ANXA11: variants seen among roughly 807,000 people sequenced by gnomAD.
ANXA11 encodes 56 kDa autoantigen.
Under a neutral mutation model 64.7 loss-of-function variants are expected in ANXA11, and 57 were observed. The observed-to-expected ratio is 0.88, with a 90% confidence interval of 0.71 to 1.10. The LOEUF is 1.10. Ranked by LOEUF, ANXA11 falls within the 50% of genes least tolerant of loss-of-function variation. The pLI is 0.00. For missense variants in ANXA11, 675 were observed against 670.7 expected (o/e 1.01, Z -0.07); for synonymous variants, 260 against 265.2 (o/e 0.98, Z 0.19).
intron 1 of ANXA11, among the ~76,000 whole-genome samples, chr10:80,184,800 T>C (rs1846483062): frequency 1.3e-5 from 2 of 152,210 alleles, no homozygotes; most frequent in South Asian, 2.1e-4. Context: ...CTAGTGGTGA[T>C]GCTGCCAACC....
intron 11 of ANXA11, among the ~76,000 whole-genome samples, 153 bp downstream of exon 11, chr10:80,163,196 C>G (rs1845582205): frequency 6.6e-6 from 1 of 152,140 alleles, no homozygotes. Flanking sequence ...CTAGGTCATA[C>G]AGTTGAACAG....
intron 1 of ANXA11, among the ~76,000 whole-genome samples, chr10:80,188,482 T>C (rs915891910): frequency 8.5e-5 from 5 of 59,044 alleles, no homozygotes; most frequent in East Asian, 5.2e-4. Flanking sequence ...TATTCTCACA[T>C]ATATATATAT....
chr10:80,165,384 A>G (rs539831378), intron 8 of ANXA11, among the ~76,000 whole-genome samples: 90 of 152,346 alleles, frequency 5.9e-4, no homozygotes, highest in African/African-American at 2.0e-3. Flanking sequence ...GGGACTGCAC[A>G]GAATGGACAG....
At chr10:80,197,796 C>T (rs1001284279) in intron 1 of ANXA11, among the ~76,000 whole-genome samples, 1 of 152,032 alleles carries the variant, frequency 6.6e-6, no homozygotes, top group Non-Finnish European at 1.5e-5. Context: ...CAGTGGCGGG[C>T]GCCTGTAGTC....
At chr10:80,167,055 C>T in intron 6 of ANXA11, 71 bp from the exon 7 acceptor site, 1 of 1,369,402 alleles carries the variant, frequency 7.3e-7, no homozygotes, top group Non-Finnish European at 1.0e-6. Context: ...ACTTCCCTGG[C>T]CTGGGCCCCT....
intron 1 of ANXA11, among the ~76,000 whole-genome samples, chr10:80,176,622 C>A (rs1312202825): frequency 6.6e-6 from 1 of 151,528 alleles, no homozygotes; most frequent in East Asian, 1.9e-4. Context: ...AGCCGTCTGG[C>A]CCCCAAAGTC....
chr10:80,190,693 G>A (rs867272349), intron 1 of ANXA11, among the ~76,000 whole-genome samples: 3 of 150,864 alleles, frequency 2.0e-5, no homozygotes, highest in Middle Eastern at 6.8e-3. Context: ...CACCATGTCA[G>A]CCAAGATGGT....
At chr10:80,204,991 C>T (rs1286355815) in intron 1 of ANXA11, 2 of 152,294 alleles carry the variant, frequency 1.3e-5, no homozygotes, top group East Asian at 3.9e-4. Context: ...TCCGGCACCC[C>T]TCCCGCCACC....
At chr10:80,170,083 C>T (rs1845913147) in intron 4 of ANXA11, among the ~76,000 whole-genome samples, 1 of 152,126 alleles carries the variant, frequency 6.6e-6, no homozygotes, top group Non-Finnish European at 1.5e-5. Context: ...ACCCCTTTAC[C>T]CTGGTCAACT....
At chr10:80,156,763 C>G (rs1845292213) in intron 15 of ANXA11, among the ~76,000 whole-genome samples, 1 of 152,172 alleles carries the variant, frequency 6.6e-6, no homozygotes, top group Non-Finnish European at 1.5e-5. Context: ...CTCAGCCTCC[C>G]AAAGTGCTGG....
At chr10:80,159,369 G>A (rs1056034299) in intron 12 of ANXA11, among the ~76,000 whole-genome samples, 174 bp from the exon 13 acceptor site, 3 of 152,160 alleles carry the variant, frequency 2.0e-5, no homozygotes, top group Non-Finnish European at 4.4e-5. Context: ...CAATTCGCCT[G>A]GTCTCCTTAG....
intron 6 of ANXA11, 112 bp from the exon 7 acceptor site, chr10:80,167,096 C>G: frequency 7.9e-7 from 1 of 1,258,748 alleles, no homozygotes; most frequent in Non-Finnish European, 1.1e-6. Flanking sequence ...GCCATACCCC[C>G]ACATCCACCT....
intron 1 of ANXA11, among the ~76,000 whole-genome samples, chr10:80,190,707 G>A (rs921190743): frequency 1.3e-5 from 2 of 150,354 alleles, no homozygotes; most frequent in South Asian, 2.1e-4. Context: ...AGATGGTCTC[G>A]ATCTCCTGAC....
intron 2 of ANXA11, among the ~76,000 whole-genome samples, chr10:80,174,521 C>G (rs1846096922): frequency 6.6e-6 from 1 of 151,856 alleles, no homozygotes; most frequent in South Asian, 2.1e-4. Context: ...AGGTGATCTG[C>G]CTGCCTCGGC....
At position 80,205,354 on chromosome 10, in the gene ANXA11, G is replaced by T. The variant is rs1211058187; in HGVS notation, c.-69C>A. On this transcript the variant is annotated 5_prime_UTR_variant, in exon 1 of 16. Coordinates refer to ENST00000422982, the MANE Select transcript of ANXA11 (RefSeq NM_145868.2). The stretch of plus-strand genomic sequence containing the variant: ...GGACCCTCACTCACCTGGCCACGGG[G>T]ACTCCGGACGCGAGGGGCGAAATGG... 1 of 151,982 alleles carries T rather than the reference G, an allele frequency of 6.6e-6. No individual in the cohort carries two copies. The highest frequency in any genetic ancestry group is 2.4e-5 in the African/African-American group (1 of 41,412). 9.4% of individuals were successfully genotyped at this position (151,982 alleles called of 1,614,324 possible).
chr10:80,184,417 A>G (rs1846463383), intron 1 of ANXA11, among the ~76,000 whole-genome samples: 1 of 152,170 alleles, frequency 6.6e-6, no homozygotes, highest in Non-Finnish European at 1.5e-5. Context: ...CCGTAGCCTC[A>G]TTGTAACCCC....
intron 8 of ANXA11, 47 bp downstream of exon 8, chr10:80,166,037 C>CAA: frequency 1.5e-6 from 1 of 655,986 alleles, no homozygotes; most frequent in Non-Finnish European, 2.3e-6. Flanking sequence ...TGCGCACACA[C>CAA]GCGCGCACAC....
Position 80,198,480 on chromosome 10 carries a change from G to A in ANXA11, c.-58+6863C>T, listed in dbSNP as rs182464483. On this transcript the variant is annotated intron_variant, in intron 1 of 15. Coordinates refer to ENST00000422982, the MANE Select transcript of ANXA11 (RefSeq NM_145868.2). ...GACGGTGCTACCCAACATGTGGCCC[G>A]GCGGCATTATACAATATGGGAGCCT... 4.4e-4 allele frequency among the ~76,000 whole-genome samples: 67 copies of A among 152,334 alleles called. 1 individual carries two copies. The South Asian group carries it at 9.9e-3, about 23-fold the overall frequency.
At chr10:80,176,217 C>A (rs1846163142) in intron 1 of ANXA11, 62 bp from the exon 2 acceptor site, 1 of 152,258 alleles carries the variant, frequency 6.6e-6, no homozygotes. Flanking sequence ...AACTCCTAAA[C>A]CTCCACCAAT....
Sources: allele counts gnomAD v4.1 joint callset (sites outside exome capture counted in the v4.1 genomes callset), GRCh38; gene constraint gnomAD v4.1.1; transcripts MANE v1.5; gene names NCBI Gene and HGNC (gene_info 2026-07-23, HGNC 2026-07-21).